Variants in PCDHGB1 observed in about 807,000 individuals in gnomAD.
PCDHGB1 encodes protocadherin gamma subfamily B, 1.
PCDHGB1 carries 34 observed loss-of-function variants against 56.6 expected under a neutral mutation model. That is an observed-to-expected ratio of 0.60 (90% CI 0.46 to 0.80). PCDHGB1 has a LOEUF of 0.80. Ranked by LOEUF, PCDHGB1 falls within the 30% of genes least tolerant of loss-of-function variation. The probability of loss-of-function intolerance (pLI) is 0.00; values close to 1 mark genes in which losing one functional copy is unlikely to be tolerated. For missense variants in PCDHGB1, 1,278 were observed against 1,204.6 expected (o/e 1.06, Z -0.90); for synonymous variants, 561 against 505.9 (o/e 1.11, Z -1.46).
chr5:141,497,492 C>G (rs954582026), intron 2 of PCDHGB1, among the ~76,000 whole-genome samples: 1 of 151,628 alleles, frequency 6.6e-6, no homozygotes, highest in Non-Finnish European at 1.5e-5. Flanking sequence ...ACCTCTCTCT[C>G]TCTCCTCTCT....
chr5:141,356,894 C>T (rs777988497), intron 1 of PCDHGB1: 1 of 1,614,096 alleles, frequency 6.2e-7, no homozygotes, highest in African/African-American at 1.3e-5. Flanking sequence ...ATCCTGTACC[C>T]CACCTTCCCT....
intron 1 of PCDHGB1, chr5:141,376,677 T>TTTG: frequency 3.8e-5 from 4 of 105,314 alleles, no homozygotes; most frequent in Non-Finnish European, 3.0e-5. Context: ...GAGGGTATCG[T>TTTG]TTTTTTTTTT....
In PCDHGB1 at chr5:141,475,977, A is replaced by G. The variant is rs369460464; in HGVS notation, c.2410-18830A>G. The stretch of plus-strand genomic sequence containing the variant: ...CCCCGGGATGAGGCAGAGACTGAAC[A>G]GCCGGCGAGCAAATCAACGGCATCC... On this transcript the variant is annotated intron_variant, in intron 1 of 3. Transcript: ENST00000523390. The G allele has an allele frequency of 2.2e-5, 21 of 972,826 alleles. No individual in the cohort carries two copies. The South Asian group carries it at 2.8e-4, about 13-fold the overall frequency. 60.3% of individuals were successfully genotyped at this position (972,826 alleles called of 1,614,324 possible).
At chr5:141,393,079 GGATA>G (rs1414303760) in intron 1 of PCDHGB1, 2 of 1,613,582 alleles carry the variant, frequency 1.2e-6, no homozygotes, top group Non-Finnish European at 1.7e-6. Context: ...ACCGCGGGCA[GGATA>G]GATCGGGAGG....
At position 141,364,855 on chromosome 5, in the gene PCDHGB1, T is replaced by A. The variant is rs772829595; in HGVS notation, c.2409+12186T>A. 3.1e-6 allele frequency: 5 copies of A among 1,613,874 alleles called. No homozygotes were observed. The African/African-American group carries it at 5.3e-5, about 17-fold the overall frequency. The stretch of plus-strand genomic sequence containing the variant: ...TCCGGAGTTACCAGCTCAGCTCCAA[T>A]CTGCACTTCTCTCTGGATGTGGTAA... On this transcript the variant is annotated intron_variant, in intron 1 of 3. Coordinates refer to ENST00000523390, the MANE Select transcript of PCDHGB1 (RefSeq NM_018922.3).
chr5:141,371,502 A>G lies in PCDHGB1; in HGVS notation c.2409+18833A>G, dbSNP rs1767800690. 4 of 1,613,820 alleles carry G rather than the reference A, an allele frequency of 2.5e-6. No individual in the cohort carries two copies. In the African/African-American group the frequency reaches 4.0e-5, roughly 16 times the overall value. On this transcript the variant is annotated intron_variant, in intron 1 of 3. Transcript: ENST00000523390. ...GCTGGGGACTGCCGTTGCCCTGATC[A>G]AAACACATGATCTAGATTCTGGATT...
Position 141,392,858 on chromosome 5 carries a change from G to A in PCDHGB1, c.2409+40189G>A, listed in dbSNP as rs764346882. The A allele has an allele frequency of 1.9e-5, 31 of 1,612,486 alleles. No homozygotes were observed. The East Asian group carries it at 6.2e-4, about 32-fold the overall frequency. ...GCCCCAGACGCGGCGAGCTGATCCT[G>A]CTGTGCGCGCTGCTGGGAACGCTGT... On this transcript the variant is annotated intron_variant, in intron 1 of 3. Transcript: ENST00000523390.
Position 141,399,669 on chromosome 5 carries a change from C to T in PCDHGB1, c.2409+47000C>T, listed in dbSNP as rs2093861369. 1.9e-6 allele frequency: 3 copies of T among 1,613,524 alleles called. No individual in the cohort carries two copies. The African/African-American group carries it at 4.0e-5, about 22-fold the overall frequency. On this transcript the variant is annotated intron_variant, in intron 1 of 3. Coordinates refer to ENST00000523390, the MANE Select transcript of PCDHGB1 (RefSeq NM_018922.3). ...AAAGTGGGGTGGTGTTCGCGCAGCG[C>T]GCCTTTGACTACGAGCAGCTGCGCA...
rs996353495 is a variant in PCDHGB1, at chr5:141,485,101, T to G, written c.2410-9706T>G. 12 of 1,158,090 alleles carry G rather than the reference T, an allele frequency of 1.0e-5. No individual in the cohort carries two copies. Among genetic ancestry groups the G allele is most frequent in the Non-Finnish European group, 1.4e-5 (11 of 786,830 alleles). The allele number at this position is 1,158,090 out of a possible 1,614,324, so 71.7% of individuals were successfully genotyped here. ...GGAAAGGGAGATAGGTGTCTCCAGC[T>G]GCTGTGGCTGTTTGGGGCGGGTCGG... On this transcript the variant is annotated intron_variant, in intron 1 of 3. Transcript: ENST00000523390. This position sits in a 1 kb window ranked among gnomAD's most constrained non-coding sequence, Gnocchi z 5.7.
chr5:141,375,333 T>C, intron 1 of PCDHGB1: 1 of 1,613,828 alleles, frequency 6.2e-7, no homozygotes, highest in East Asian at 2.2e-5. Flanking sequence ...GAGGTATTCT[T>C]GTACAACATC....
intron 1 of PCDHGB1, among the ~76,000 whole-genome samples, chr5:141,472,405 G>A (rs1207849470): frequency 6.6e-6 from 1 of 152,086 alleles, no homozygotes; most frequent in Non-Finnish European, 1.5e-5. Flanking sequence ...GCCAGGCGTG[G>A]TGGCACGCAC....
chr5:141,450,633 C>T (rs751572851), intron 1 of PCDHGB1, among the ~76,000 whole-genome samples: 2 of 149,416 alleles, frequency 1.3e-5, no homozygotes, highest in East Asian at 2.0e-4. Flanking sequence ...ATTACAGATG[C>T]CTGCCACCAT....
At chr5:141,424,215 G>T in intron 1 of PCDHGB1, 1 of 167,104 alleles carries the variant, frequency 6.0e-6, no homozygotes. Flanking sequence ...TTTTCTCTGA[G>T]CAATTTTATT....
chr5:141,403,049 T>C (rs368917303), intron 1 of PCDHGB1: 2 of 1,613,938 alleles, frequency 1.2e-6, no homozygotes, highest in Non-Finnish European at 1.7e-6. Flanking sequence ...TCAGATTCGC[T>C]ACTCAGTGCC....
At chr5:141,368,074 G>A (rs1765473205) in intron 1 of PCDHGB1, among the ~76,000 whole-genome samples, 2 of 152,100 alleles carry the variant, frequency 1.3e-5, no homozygotes, top group Admixed American at 6.6e-5. Context: ...TTTCCCTTCT[G>A]CATCTGATTT....
At chr5:141,370,921 C>G in intron 1 of PCDHGB1, 1 of 1,613,978 alleles carries the variant, frequency 6.2e-7, no homozygotes, top group Non-Finnish European at 8.5e-7. Flanking sequence ...AGCCCTGATC[C>G]GCACTTCTCT....
chr5:141,408,430 C>T, intron 1 of PCDHGB1: 2 of 1,614,012 alleles, frequency 1.2e-6, no homozygotes, highest in South Asian at 1.1e-5. Context: ...TGCACTTCAG[C>T]GTAGACGCGG....
intron 1 of PCDHGB1, chr5:141,400,076 T>A: frequency 6.2e-7 from 1 of 1,613,932 alleles, no homozygotes; most frequent in Non-Finnish European, 8.5e-7. Context: ...CAGCCGCCAC[T>A]CTCCGCCACC....
intron 1 of PCDHGB1, chr5:141,404,186 C>A (rs767632448): frequency 1.2e-6 from 2 of 1,612,966 alleles, no homozygotes; most frequent in Middle Eastern, 1.6e-4. Flanking sequence ...AATTCTTGAC[C>A]GAGAAAAAGC....
Sources: allele counts gnomAD v4.1 joint callset (sites outside exome capture counted in the v4.1 genomes callset), GRCh38; gene constraint gnomAD v4.1.1; non-coding constraint Gnocchi (gnomAD v3.1); transcripts MANE v1.5; gene names NCBI Gene and HGNC (gene_info 2026-07-23, HGNC 2026-07-21).